The following RABGAP1L variants were observed in gnomAD, a reference collection of about 807,000 sequenced individuals.
RABGAP1L encodes the protein rab GTPase-activating protein 1-like.
RABGAP1L carries 63 observed loss-of-function variants against 137.7 expected under a neutral mutation model. The observed-to-expected ratio is 0.46, with a 90% CI of 0.37 to 0.56. The LOEUF is 0.56. RABGAP1L is among the 20% of genes least tolerant of loss of function. RABGAP1L has a pLI of 0.00. For missense variants in RABGAP1L, 1,095 were observed against 1,244.0 expected (o/e 0.88, Z 1.80); for synonymous variants, 431 against 433.7 (o/e 0.99, Z 0.08).
chr1:174,471,740 G>A (rs535779422), intron 13 of RABGAP1L, among the ~76,000 whole-genome samples: 1 of 152,114 alleles, frequency 6.6e-6, no homozygotes, highest in African/African-American at 2.4e-5. Flanking sequence ...TGGCTGCAGC[G>A]TGCAGAATTT....
intron 13 of RABGAP1L, among the ~76,000 whole-genome samples, chr1:174,572,571 CG>C (rs1668062364): frequency 6.6e-6 from 1 of 151,968 alleles, no homozygotes; most frequent in African/African-American, 2.4e-5. Context: ...TTAGTAGAGA[CG>C]GGGTTTCACT....
chr1:174,508,181 C>T (rs1215200112), intron 13 of RABGAP1L, among the ~76,000 whole-genome samples: 4 of 152,108 alleles, frequency 2.6e-5, no homozygotes, highest in Admixed American at 6.5e-5. Flanking sequence ...AAACCCTTAT[C>T]TTCTCTACAA....
chr1:174,259,027 G>A (rs1469382491), intron 7 of RABGAP1L, among the ~76,000 whole-genome samples: 1 of 151,056 alleles, frequency 6.6e-6, no homozygotes, highest in African/African-American at 2.4e-5. Context: ...GGCTTCAAGT[G>A]ATCTTCTTGC....
chr1:174,957,723 C>CTTTTTTTTTTTTTTTTTTTTTT lies in RABGAP1L; in HGVS notation c.2433+176_2433+197dup. 3.2e-5 allele frequency: 16 copies of CTTTTTTTTTTTTTTTTTTTTTT among 505,892 alleles called. 1 individual carries two copies. The highest frequency in any genetic ancestry group is 6.6e-5 in the Admixed American group (2 of 30,270). 31.3% of individuals were successfully genotyped at this position (505,892 alleles called of 1,614,324 possible). A position where few individuals can be genotyped will look rare whatever the true frequency, so the allele number is the denominator to read the frequency against. ...CGAGCCACCATTCCCAGCAAAGTAC[C>CTTTTTTTTTTTTTTTTTTTTTT]TTTTTTTTTTTTTTTTTTTTTTTCT... On this transcript the variant is annotated intron_variant, in intron 20 of 25. Transcript: ENST00000681986.
rs139161562 is a variant in RABGAP1L, at chr1:174,413,330, A to G, written c.1710+19185A>G. On this transcript the variant is annotated intron_variant, in intron 13 of 25. Coordinates refer to ENST00000681986, the MANE Select transcript of RABGAP1L (RefSeq NM_001366446.1). ...GAAGCTGTCATTGATTTATTTTTAA[A>G]GATATTTCTCTCTTATTTCCTGGCT... Among the ~76,000 whole-genome samples, 3 of 152,242 alleles carry G rather than the reference A, an allele frequency of 2.0e-5. No individual in the cohort carries two copies. The East Asian group carries it at 5.8e-4, about 29-fold the overall frequency.
At chr1:174,409,935 G>C (rs1267611044) in intron 13 of RABGAP1L, among the ~76,000 whole-genome samples, 3 of 152,144 alleles carry the variant, frequency 2.0e-5, no homozygotes, top group Non-Finnish European at 4.4e-5. Context: ...AGGAGTTTTT[G>C]ATTTTGCCCT....
intron 13 of RABGAP1L, among the ~76,000 whole-genome samples, chr1:174,435,395 C>G (rs1475623140): frequency 6.6e-6 from 1 of 151,980 alleles, no homozygotes; most frequent in African/African-American, 2.4e-5. Context: ...TTTGCAGTTT[C>G]AATTTTTTTT....
chr1:174,885,160 C>T (rs1231461458), intron 19 of RABGAP1L, among the ~76,000 whole-genome samples: 1 of 152,130 alleles, frequency 6.6e-6, no homozygotes, highest in East Asian at 1.9e-4. Flanking sequence ...CTAAAGTAAA[C>T]CTATCTTTAA....
At chr1:174,744,627 C>T (rs978911907) in intron 17 of RABGAP1L, among the ~76,000 whole-genome samples, 1 of 152,168 alleles carries the variant, frequency 6.6e-6, no homozygotes, top group African/African-American at 2.4e-5. Context: ...AATACATATT[C>T]TGAATTTAAT....
At chr1:174,825,647 G>C (rs985413352) in intron 19 of RABGAP1L, among the ~76,000 whole-genome samples, 1 of 152,224 alleles carries the variant, frequency 6.6e-6, no homozygotes. Flanking sequence ...ACTTTGGGAG[G>C]CCAAGGTGGT....
intron 18 of RABGAP1L, among the ~76,000 whole-genome samples, chr1:174,786,544 G>A (rs1687457665): frequency 6.6e-6 from 1 of 152,166 alleles, no homozygotes; most frequent in African/African-American, 2.4e-5. Context: ...AGAGAACTAG[G>A]TCATCATCAT....
chr1:174,744,090 T>TAAAAAAAAAAA (rs10694829), intron 17 of RABGAP1L, among the ~76,000 whole-genome samples: 1 of 45,134 alleles, frequency 2.2e-5, no homozygotes, highest in Non-Finnish European at 3.9e-5. Context: ...GTGAAATACG[T>TAAAAAAAAAAA]AAAAAAAAAA....
intron 7 of RABGAP1L, among the ~76,000 whole-genome samples, chr1:174,256,097 A>T (rs12085311): frequency 0.29 from 44,781 of 152,012 alleles, 7,022 homozygotes; most frequent in African/African-American, 0.37. Context: ...TCCAGTTCAG[A>T]ATTCATTCCA....
At chr1:174,691,154 G>A (rs1360734530) in intron 15 of RABGAP1L, among the ~76,000 whole-genome samples, 1 of 152,056 alleles carries the variant, frequency 6.6e-6, no homozygotes, top group Non-Finnish European at 1.5e-5. Context: ...AGAAAATTGG[G>A]AATATCAGTA....
chr1:174,260,007 G>C (rs886133513), intron 7 of RABGAP1L, among the ~76,000 whole-genome samples: 13 of 152,112 alleles, frequency 8.5e-5, no homozygotes, highest in Non-Finnish European at 1.6e-4. Flanking sequence ...GCTAATTTTT[G>C]TATGTTTAGT....
At chr1:174,717,268 A>G (rs1475024399) in intron 17 of RABGAP1L, among the ~76,000 whole-genome samples, 35 of 152,018 alleles carry the variant, frequency 2.3e-4, no homozygotes, top group Admixed American at 2.3e-3. Flanking sequence ...AAATTTAGGT[A>G]GGCATGCTGG....
intron 18 of RABGAP1L, among the ~76,000 whole-genome samples, chr1:174,755,605 G>A (rs562927155): frequency 6.6e-6 from 1 of 152,174 alleles, no homozygotes; most frequent in Non-Finnish European, 1.5e-5. Context: ...TCATAATCCT[G>A]TTCCCAGGGA....
chr1:174,253,868 A>C (rs535814236), intron 7 of RABGAP1L, among the ~76,000 whole-genome samples: 1 of 152,308 alleles, frequency 6.6e-6, no homozygotes, highest in East Asian at 1.9e-4. Flanking sequence ...GGTGATGCTC[A>C]AGAGAAATAA....
At chr1:174,480,511 G>A (rs1658973286) in intron 13 of RABGAP1L, among the ~76,000 whole-genome samples, 1 of 152,242 alleles carries the variant, frequency 6.6e-6, no homozygotes, top group African/African-American at 2.4e-5. Flanking sequence ...CCTGGGATTA[G>A]TGAGCTGTGA....
Sources: allele counts gnomAD v4.1 joint callset (sites outside exome capture counted in the v4.1 genomes callset), GRCh38; gene constraint gnomAD v4.1.1; transcripts MANE v1.5; gene names NCBI Gene and HGNC (gene_info 2026-07-23, HGNC 2026-07-21).